Variants in AKT3 observed in about 807,000 individuals in gnomAD.
AKT3 encodes the protein RAC-gamma serine/threonine-protein kinase.
AKT3 carries 15 observed loss-of-function variants against 65.3 expected under a neutral mutation model. The ratio of observed to expected loss-of-function variants is 0.23; its 90% CI spans 0.15 to 0.35. The LOEUF (loss-of-function observed/expected upper bound fraction) is 0.35. Ranked by LOEUF, AKT3 falls within the 10% of genes least tolerant of loss-of-function variation. The probability of loss-of-function intolerance (pLI) is 1.00; values close to 1 mark genes in which losing one functional copy is unlikely to be tolerated. For synonymous variants in AKT3, 206 were observed against 183.8 expected (o/e 1.12, Z -0.98); for missense variants, 243 against 576.5 (o/e 0.42, Z 5.92).
intron 12 of AKT3, among the ~76,000 whole-genome samples, chr1:243,542,656 T>G (rs553353594): frequency 9.2e-5 from 14 of 152,374 alleles, no homozygotes; most frequent in African/African-American, 3.1e-4. Context: ...TCCATTAAAA[T>G]GTTTTATTTT....
chr1:243,631,421 T>C (rs1415756574), intron 6 of AKT3, among the ~76,000 whole-genome samples: 2 of 152,202 alleles, frequency 1.3e-5, no homozygotes, highest in East Asian at 3.8e-4. Context: ...CCCAAGTAGC[T>C]GGGATTACAG....
intron 2 of AKT3, among the ~76,000 whole-genome samples, chr1:243,751,679 T>A (rs1029977293): frequency 2.0e-5 from 3 of 152,010 alleles, no homozygotes; most frequent in African/African-American, 7.3e-5. Context: ...GAAAAAGCAT[T>A]CTAGTGCTGA....
intron 3 of AKT3, among the ~76,000 whole-genome samples, chr1:243,691,477 G>T (rs1458746817): frequency 6.6e-6 from 1 of 152,166 alleles, no homozygotes; most frequent in Admixed American, 6.5e-5. Context: ...ACTAGAAACA[G>T]AGAAGCTAGT....
intron 10 of AKT3, among the ~76,000 whole-genome samples, chr1:243,558,373 A>T (rs1028763805): frequency 6.6e-6 from 1 of 152,034 alleles, no homozygotes; most frequent in African/African-American, 2.4e-5. Flanking sequence ...AAATATTCTC[A>T]TCTATTTCAG....
At chr1:243,802,074 T>A (rs1038735376) in intron 2 of AKT3, among the ~76,000 whole-genome samples, 1 of 152,182 alleles carries the variant, frequency 6.6e-6, no homozygotes, top group African/African-American at 2.4e-5. Flanking sequence ...TTCACAATCA[T>A]CTTAAATAAT....
intron 4 of AKT3, among the ~76,000 whole-genome samples, chr1:243,657,160 T>C (rs932156080): frequency 4.6e-5 from 7 of 152,182 alleles, no homozygotes; most frequent in Non-Finnish European, 5.9e-5. Context: ...AGTGCATTTA[T>C]AGAAAAGTCC....
intron 2 of AKT3, among the ~76,000 whole-genome samples, chr1:243,828,220 T>C (rs1694292725): frequency 6.6e-6 from 1 of 152,192 alleles, no homozygotes; most frequent in African/African-American, 2.4e-5. Context: ...TATTTACTAT[T>C]TAATATGTCC....
chr1:243,595,437 AT>A (rs998562802), intron 8 of AKT3, among the ~76,000 whole-genome samples: 7 of 151,956 alleles, frequency 4.6e-5, no homozygotes, highest in South Asian at 2.1e-4. Context: ...AATTAAAATT[AT>A]TTTTTTCTTC....
At chr1:243,642,528 C>G (rs1185305929) in intron 5 of AKT3, among the ~76,000 whole-genome samples, 5 of 152,184 alleles carry the variant, frequency 3.3e-5, no homozygotes, top group East Asian at 3.8e-4. Flanking sequence ...CCAGGATGGT[C>G]TCGATCTCCT....
At chr1:243,535,279 G>C (rs1322754924) in intron 12 of AKT3, among the ~76,000 whole-genome samples, 1 of 129,164 alleles carries the variant, frequency 7.7e-6, no homozygotes, top group African/African-American at 3.6e-5. Context: ...TGGATGAATT[G>C]TATAATGGTA....
chr1:243,808,721 A>AT (rs1411361033), intron 2 of AKT3, among the ~76,000 whole-genome samples: 1 of 152,194 alleles, frequency 6.6e-6, no homozygotes, highest in African/African-American at 2.4e-5. Flanking sequence ...TCCAAGACAC[A>AT]TAATTGTCAG....
chr1:243,516,108 T>C (rs1320770450), intron 12 of AKT3, among the ~76,000 whole-genome samples: 1 of 152,246 alleles, frequency 6.6e-6, no homozygotes, highest in African/African-American at 2.4e-5. Flanking sequence ...CCTTAAATGT[T>C]TGGTAGACTT....
At chr1:243,724,200 A>T (rs997933741) in intron 2 of AKT3, among the ~76,000 whole-genome samples, 1 of 152,074 alleles carries the variant, frequency 6.6e-6, no homozygotes, top group African/African-American at 2.4e-5. Context: ...AACACCAAAC[A>T]AACAAGATAA....
chr1:243,590,797 AAC>A (rs1676172188), intron 8 of AKT3, among the ~76,000 whole-genome samples: 1 of 152,208 alleles, frequency 6.6e-6, no homozygotes, highest in East Asian at 1.9e-4. Flanking sequence ...CAATGAATCT[AAC>A]ACATGTGTAA....
intron 5 of AKT3, among the ~76,000 whole-genome samples, chr1:243,644,406 G>C (rs1475867316): frequency 2.0e-5 from 3 of 151,870 alleles, no homozygotes; most frequent in Admixed American, 6.6e-5. Context: ...TACTGCCTGG[G>C]GTTAAGTACT....
chr1:243,708,006 T>A (rs577133417), intron 2 of AKT3, among the ~76,000 whole-genome samples: 1 of 152,198 alleles, frequency 6.6e-6, no homozygotes, highest in African/African-American at 2.4e-5. Context: ...TGCTCTATAT[T>A]AAAAAGTGTG....
chr1:243,785,038 C>T (rs1400187892), intron 2 of AKT3, among the ~76,000 whole-genome samples: 2 of 151,316 alleles, frequency 1.3e-5, no homozygotes, highest in Admixed American at 1.3e-4. Flanking sequence ...GCTGGGATTA[C>T]AGGTACAAGC....
intron 12 of AKT3, among the ~76,000 whole-genome samples, chr1:243,519,561 A>G (rs1037687259): frequency 1.3e-5 from 2 of 152,164 alleles, no homozygotes; most frequent in African/African-American, 4.8e-5. Flanking sequence ...CAGGAGAATG[A>G]TAACACCTGA....
chr1:243,807,319 C>T (rs1033514891), intron 2 of AKT3, among the ~76,000 whole-genome samples: 1 of 152,174 alleles, frequency 6.6e-6, no homozygotes, highest in Non-Finnish European at 1.5e-5. Context: ...CCTGGAAAAT[C>T]GGGTCACTCC....
Sources: gnomAD v4.1 joint callset for allele counts (sites outside exome capture counted in the v4.1 genomes callset) on GRCh38, gnomAD v4.1.1 for gene constraint, MANE v1.5 for transcripts, NCBI Gene and HGNC (gene_info 2026-07-23, HGNC 2026-07-21) for gene names.